CERS4: variants seen among roughly 807,000 people sequenced by gnomAD.
The protein encoded by CERS4 is ceramide synthase 4, also known as LAG1 homolog, ceramide synthase 4.
In CERS4, 65 loss-of-function variants were observed where a neutral mutation model predicts 51.8. The ratio of observed to expected loss-of-function variants is 1.26; its 90% CI spans 1.03 to 1.54. The LOEUF is 1.54. Ranked by LOEUF, CERS4 falls within the 40% of genes most tolerant of loss-of-function variation. The pLI, the probability that CERS4 is intolerant of heterozygous loss-of-function variation, is 0.00. For missense variants in CERS4, 563 were observed against 500.4 expected (o/e 1.13, Z -1.19); for synonymous variants, 228 against 208.4 (o/e 1.09, Z -0.81).
At chr19:8,261,157 C>T (rs1044261804) in intron 10 of CERS4, 1 of 155,642 alleles carries the variant, frequency 6.4e-6, no homozygotes, top group African/African-American at 2.4e-5. Flanking sequence ...CCGTGGGAGA[C>T]AAAGCCCCAC....
intron 2 of CERS4, among the ~76,000 whole-genome samples, chr19:8,234,792 G>A (rs1280385289): frequency 6.6e-6 from 1 of 151,508 alleles, no homozygotes; most frequent in African/African-American, 2.4e-5. Flanking sequence ...GACCTCAGGT[G>A]ATCCACCTGC....
intron 2 of CERS4, among the ~76,000 whole-genome samples, chr19:8,223,443 C>T (rs1967645241): frequency 6.6e-6 from 1 of 151,208 alleles, no homozygotes; most frequent in Non-Finnish European, 1.5e-5. Context: ...CATGTTGAAA[C>T]CCTGTCTCTA....
intron 2 of CERS4, among the ~76,000 whole-genome samples, chr19:8,214,125 G>A (rs1967193720): frequency 6.6e-6 from 1 of 151,600 alleles, no homozygotes; most frequent in African/African-American, 2.4e-5. Flanking sequence ...CCCCCTCCTG[G>A]ACTCCCAGAG....
rs1969746646 is a variant in CERS4 at position 8,262,208 on chromosome 19, G to A, written c.*99G>A. 1 of 1,304,038 alleles carries A rather than the reference G, an allele frequency of 7.7e-7. No homozygotes were observed. Among genetic ancestry groups the A allele is most frequent in the Admixed American group, 3.5e-5 (1 of 28,670 alleles). 80.8% of individuals were successfully genotyped at this position (1,304,038 alleles called of 1,614,324 possible). ...CCCCTGGGCCACCTTTCTGGAGACA[G>A]GGAGGGCCCCACCCGGGGTGGGTGG... On this transcript the variant is annotated 3_prime_UTR_variant, in exon 12 of 12. Transcript: ENST00000251363.
chr19:8,256,791 G>A (rs1023677029), intron 8 of CERS4, 81 bp downstream of exon 8: 27 of 1,568,854 alleles, frequency 1.7e-5, no homozygotes, highest in South Asian at 8.4e-5. Context: ...CCTTACAACC[G>A]CACCTTGAGA....
At chr19:8,220,752 C>T (rs1967498159) in intron 2 of CERS4, among the ~76,000 whole-genome samples, 2 of 152,270 alleles carry the variant, frequency 1.3e-5, no homozygotes, top group South Asian at 4.1e-4. Flanking sequence ...TCGGTCCCTC[C>T]CGAAATCTCT....
Position 8,261,673 on chromosome 19 carries a change from T to TCC in CERS4, c.849-11_849-10dup, listed in dbSNP as rs745378071. The TCC allele has an allele frequency of 6.2e-7, 1 of 1,613,398 alleles. No homozygotes were observed. Among genetic ancestry groups the TCC allele is most frequent in the East Asian group, 2.2e-5 (1 of 44,870 alleles). ...CTGGTCAAACCCCAGCCTCCTCCTC[T>TCC]CCCCCTGGCTGTAGGATCCTCTACA... On this transcript the variant is annotated splice_polypyrimidine_tract_variant and intron_variant, in intron 10 of 11. Transcript: ENST00000251363.
intron 2 of CERS4, among the ~76,000 whole-genome samples, chr19:8,221,827 A>G (rs1217220240): frequency 1.4e-5 from 2 of 147,030 alleles, no homozygotes; most frequent in African/African-American, 5.0e-5. Flanking sequence ...CACCCAGCCT[A>G]AAATTTTATT....
At position 8,259,971 on chromosome 19, in the gene CERS4, C is replaced by A. The variant is rs191466009; in HGVS notation, c.849-1717C>A. 4.6e-5 allele frequency among the ~76,000 whole-genome samples: 7 copies of A among 152,160 alleles called. No individual in the cohort carries two copies. The East Asian group carries it at 1.4e-3, about 29-fold the overall frequency. On this transcript the variant is annotated intron_variant, in intron 10 of 11. Coordinates refer to ENST00000251363, the MANE Select transcript of CERS4 (RefSeq NM_024552.3). Reference sequence around the variant, plus strand: ...GGCTGCCATCCTCCATGGCTCCCACCTGTCTTGGTTTCAAGGCCTGAGGAG... The same window carrying A: ...GGCTGCCATCCTCCATGGCTCCCACATGTCTTGGTTTCAAGGCCTGAGGAG...
chr19:8,255,195 A>C (rs1026092111), intron 4 of CERS4, among the ~76,000 whole-genome samples: 6 of 152,088 alleles, frequency 3.9e-5, no homozygotes, highest in Admixed American at 1.3e-4. Context: ...CAGCTTCCGC[A>C]GAGCTAGACG....
At chr19:8,255,181 A>G (rs1186138832) in intron 4 of CERS4, among the ~76,000 whole-genome samples, 1 of 152,124 alleles carries the variant, frequency 6.6e-6, no homozygotes, top group Non-Finnish European at 1.5e-5. Context: ...TAGAGGCGAC[A>G]GGGCAGCTTC....
chr19:8,237,399 A>C (rs919467339), intron 2 of CERS4, among the ~76,000 whole-genome samples: 1 of 152,070 alleles, frequency 6.6e-6, no homozygotes, highest in African/African-American at 2.4e-5. Flanking sequence ...TAAAAACACA[A>C]AAAAAGTTAG....
intron 2 of CERS4, among the ~76,000 whole-genome samples, chr19:8,236,987 A>G (rs1303250982): frequency 1.4e-4 from 16 of 114,020 alleles, no homozygotes; most frequent in Non-Finnish European, 2.4e-4. Flanking sequence ...TGGGCAACAG[A>G]GCGAGACTCT....
chr19:8,252,393 C>A (rs1969132983), intron 3 of CERS4, among the ~76,000 whole-genome samples: 1 of 150,668 alleles, frequency 6.6e-6, no homozygotes, highest in Non-Finnish European at 1.5e-5. Flanking sequence ...ACAAAAGCCT[C>A]ATCCCCACCA....
intron 2 of CERS4, among the ~76,000 whole-genome samples, chr19:8,246,664 G>A (rs114864045): frequency 1.3e-5 from 2 of 152,090 alleles, no homozygotes; most frequent in Admixed American, 6.6e-5. Context: ...GTGTAGGGGC[G>A]ATGTGGCCTG....
At chr19:8,217,989 G>A (rs1568497647) in intron 2 of CERS4, among the ~76,000 whole-genome samples, 1 of 151,738 alleles carries the variant, frequency 6.6e-6, no homozygotes, top group African/African-American at 2.4e-5. Context: ...TTTTGAGACA[G>A]AGTCTCACTC....
chr19:8,221,919 T>G (rs978339181), intron 2 of CERS4, among the ~76,000 whole-genome samples: 5 of 136,948 alleles, frequency 3.7e-5, no homozygotes, highest in Non-Finnish European at 7.8e-5. Flanking sequence ...GCTTGCTCTG[T>G]CGCCCAGGCT....
At chr19:8,214,683 TGTC>T (rs1190799682) in intron 2 of CERS4, among the ~76,000 whole-genome samples, 1 of 152,090 alleles carries the variant, frequency 6.6e-6, no homozygotes, top group Non-Finnish European at 1.5e-5. Context: ...ACGGTTACTT[TGTC>T]GTCCTGTATG....
At chr19:8,253,901 C>T (rs1271662479) in intron 3 of CERS4, among the ~76,000 whole-genome samples, 3 of 152,052 alleles carry the variant, frequency 2.0e-5, no homozygotes, top group Admixed American at 2.0e-4. Context: ...TTTGGTCTAA[C>T]GCAGCAGCCA....
Sources: allele counts gnomAD v4.1 joint callset (sites outside exome capture counted in the v4.1 genomes callset), GRCh38; gene constraint gnomAD v4.1.1; transcripts MANE v1.5; gene names NCBI Gene and HGNC (gene_info 2026-07-23, HGNC 2026-07-21).